Variants in EPAS1 observed in about 807,000 individuals in gnomAD.
The protein encoded by EPAS1 is endothelial PAS domain-containing protein 1.
A neutral mutation model predicts 87.9 loss-of-function variants in EPAS1; 23 were observed. The observed-to-expected ratio is 0.26, with a 90% CI of 0.19 to 0.37. The LOEUF (loss-of-function observed/expected upper bound fraction) is 0.37, where lower values mean the gene tolerates loss of function less well. Ranked by LOEUF, EPAS1 falls within the 10% of genes least tolerant of loss-of-function variation. The pLI is 1.00. For synonymous variants in EPAS1, 508 were observed against 444.3 expected, an observed-to-expected ratio of 1.14 and a Z score of -1.80; for missense variants, 1,138 against 1,120.7, an observed-to-expected ratio of 1.02 and a Z score of -0.22.
rs115102054 is a variant in EPAS1 at position 46,377,874 on chromosome 2, C to A, written c.1250-20C>A. The A allele has an allele frequency of 2.2e-5, 34 of 1,551,824 alleles. 1 individual carries two copies. In the Middle Eastern group the frequency reaches 8.3e-4, roughly 38 times the overall value. The stretch of plus-strand genomic sequence containing the variant: ...CCCGATGGTTGTGGGTGTTCACCTC[C>A]CAGGCCCTTGTCTCCACAGGGAATC... On this transcript the variant is annotated intron_variant, in intron 9 of 15. Transcript: ENST00000263734.
chr2:46,324,102 T>C (rs966541896), intron 1 of EPAS1, among the ~76,000 whole-genome samples: 3 of 152,274 alleles, frequency 2.0e-5, no homozygotes, highest in Non-Finnish European at 4.4e-5. Context: ...AGTCTCGTTC[T>C]GTAGCCCAGG....
intron 1 of EPAS1, among the ~76,000 whole-genome samples, chr2:46,344,768 A>T (rs1338461909): frequency 6.6e-6 from 1 of 152,244 alleles, no homozygotes; most frequent in Non-Finnish European, 1.5e-5. Context: ...AGACATGACG[A>T]GAAAAATAGT....
intron 2 of EPAS1, among the ~76,000 whole-genome samples, chr2:46,349,725 A>T (rs576012639): frequency 6.6e-6 from 1 of 152,336 alleles, no homozygotes; most frequent in African/African-American, 2.4e-5. Context: ...CTTTTCTCTG[A>T]CTTCTCTCCC....
intron 1 of EPAS1, among the ~76,000 whole-genome samples, chr2:46,305,615 G>A (rs1683096732): frequency 6.6e-6 from 1 of 152,162 alleles, no homozygotes; most frequent in African/African-American, 2.4e-5. Flanking sequence ...TGAAACATAT[G>A]TTTATTTGCC....
rs1684855028 is a variant in EPAS1 at position 46,380,224 on chromosome 2, C to CA, written c.1555-2dup. 6.2e-7 allele frequency: 1 copy of CA among 1,609,744 alleles called. No homozygotes were observed. The highest frequency in any genetic ancestry group is 1.7e-5 in the Admixed American group (1 of 60,026). ...CCTCTTTGCCGGTGCTGTCTCCCCT[C>CA]AGACGGATTTCAATGAGCTGGACTT... On this transcript the variant is annotated splice_region_variant and splice_polypyrimidine_tract_variant and intron_variant, in intron 11 of 15. Coordinates refer to ENST00000263734, the MANE Select transcript of EPAS1 (RefSeq NM_001430.5). This position sits in a 1 kb window ranked among gnomAD's most constrained non-coding sequence, Gnocchi z 4.4.
chr2:46,367,885 A>G (rs968122062), intron 6 of EPAS1, among the ~76,000 whole-genome samples: 1 of 152,232 alleles, frequency 6.6e-6, no homozygotes, highest in Non-Finnish European at 1.5e-5. Flanking sequence ...ATAGACTATC[A>G]TGACAGGTTC....
intron 1 of EPAS1, among the ~76,000 whole-genome samples, chr2:46,302,160 C>CGGT (rs1449998615): frequency 1.4e-5 from 1 of 73,800 alleles, no homozygotes. Context: ...GCCCGTGCGT[C>CGGT]GGGGGGGGGG....
intron 1 of EPAS1, among the ~76,000 whole-genome samples, chr2:46,339,962 T>C (rs1257879816): frequency 6.6e-6 from 1 of 152,132 alleles, no homozygotes; most frequent in African/African-American, 2.4e-5. Context: ...TACCATCACA[T>C]TGGGAGTGGG....
chr2:46,361,186 A>G (rs1436994390), intron 6 of EPAS1, 96 bp downstream of exon 6: 3 of 1,363,558 alleles, frequency 2.2e-6, no homozygotes, highest in East Asian at 2.5e-5. Context: ...AACTGAACAT[A>G]GACGTGGTAT....
At position 46,382,530 on chromosome 2, in the gene EPAS1, G is replaced by C; in HGVS notation, c.2393G>C (p.Arg798Thr). Residue 798 changes from arginine to threonine, a missense_variant, in exon 15 of 16, where the codon AGG (arginine) becomes ACG (threonine). Arg to Thr is a moderately conservative substitution (Grantham distance 71). Around this residue, in one of 4 missense-constraint regions of EPAS1, gnomAD observed 502 missense variants for 427.1 expected, o/e 1.18. Transcript: ENST00000263734. ...AGTCCCGGGGAGAACAGCAAGAGCA[G>C]GTTCCCCCCACAGTGCTACGCCACC... ...AISPGENSKS[R>T]FPPQCYATQY... 1 of 1,614,172 alleles carries C rather than the reference G, an allele frequency of 6.2e-7. No homozygotes were observed. Among genetic ancestry groups the C allele is most frequent in the South Asian group, 1.1e-5 (1 of 91,088 alleles).
intron 1 of EPAS1, among the ~76,000 whole-genome samples, chr2:46,327,395 A>AGAAGT (rs1683584220): frequency 6.8e-6 from 1 of 147,340 alleles, no homozygotes; most frequent in African/African-American, 2.7e-5. Context: ...CAGTGAGAAC[A>AGAAGT]TAGGAATAGA....
At chr2:46,309,094 T>C (rs149213330) in intron 1 of EPAS1, among the ~76,000 whole-genome samples, 1 of 152,362 alleles carries the variant, frequency 6.6e-6, no homozygotes, top group Non-Finnish European at 1.5e-5. Context: ...AGTAATTATT[T>C]GTAGACTGAG....
Position 46,380,138 on chromosome 2 carries a change from A to C in EPAS1, c.1555-89A>C. The C allele has an allele frequency of 6.3e-7, 1 of 1,594,290 alleles. No individual in the cohort carries two copies. The highest frequency in any genetic ancestry group is 1.1e-5 in the South Asian group (1 of 90,886). On this transcript the variant is annotated intron_variant, in intron 11 of 15. Transcript: ENST00000263734. This position sits in a 1 kb window ranked among gnomAD's most constrained non-coding sequence, Gnocchi z 4.4. ...GCAGCACTGTGAAACAGTGCTTGAG[A>C]TGAATGGCTCTGCAGGAGCTGAGTT...
At chr2:46,358,761 C>A (rs1684323154) in intron 4 of EPAS1, among the ~76,000 whole-genome samples, 1 of 152,202 alleles carries the variant, frequency 6.6e-6, no homozygotes, top group Non-Finnish European at 1.5e-5. Flanking sequence ...AGCAAATCTT[C>A]ACTGAAGGTG....
At chr2:46,323,025 G>C (rs1683481964) in intron 1 of EPAS1, among the ~76,000 whole-genome samples, 1 of 152,230 alleles carries the variant, frequency 6.6e-6, no homozygotes, top group Non-Finnish European at 1.5e-5. Context: ...AACAAACCTT[G>C]TGTGAGCTCC....
At chr2:46,343,816 G>A (rs1683956809) in intron 1 of EPAS1, among the ~76,000 whole-genome samples, 2 of 152,222 alleles carry the variant, frequency 1.3e-5, no homozygotes, top group African/African-American at 2.4e-5. Flanking sequence ...GGAAGAGCAG[G>A]GTTCTAGCCC....
chr2:46,381,551 T>C (rs770045507), intron 12 of EPAS1, 45 bp from the exon 13 acceptor site: 4 of 1,613,476 alleles, frequency 2.5e-6, no homozygotes, highest in Non-Finnish European at 3.4e-6. Flanking sequence ...CTGAGTGGCA[T>C]GTGGCTCCAG....
At chr2:46,384,343 G>C in intron 15 of EPAS1, 166 bp from the exon 16 acceptor site, 1 of 963,184 alleles carries the variant, frequency 1.0e-6, no homozygotes, top group Non-Finnish European at 1.6e-6. Context: ...TGGTTCTGGA[G>C]GCAGACACGT....
At chr2:46,378,128 G>A (rs189013974) in intron 10 of EPAS1, 41 bp downstream of exon 10, 65 of 1,557,138 alleles carry the variant, frequency 4.2e-5, no homozygotes, top group East Asian at 7.1e-5. Flanking sequence ...AGAGGGCTCC[G>A]TATGTATGAC....
Sources: allele counts gnomAD v4.1 joint callset (sites outside exome capture counted in the v4.1 genomes callset), GRCh38; gene constraint gnomAD v4.1.1; regional missense constraint gnomAD v4.1.1; non-coding constraint Gnocchi (gnomAD v3.1); transcripts MANE v1.5; gene names NCBI Gene and HGNC (gene_info 2026-07-23, HGNC 2026-07-21).